The following MLXIP variants were observed in gnomAD, a reference collection of about 807,000 sequenced individuals.
The protein encoded by MLXIP is MLX interacting protein.
In MLXIP, 30 loss-of-function variants were observed where a neutral mutation model predicts 87.2. The observed-to-expected ratio is 0.34, with a 90% confidence interval of 0.26 to 0.47. The LOEUF is 0.47. Ranked by LOEUF, MLXIP falls within the 20% of genes least tolerant of loss-of-function variation. The pLI is 1.00. For synonymous variants in MLXIP, 530 were observed against 514.0 expected, an observed-to-expected ratio of 1.03 and a Z score of -0.42; for missense variants, 1,002 against 1,240.1, an observed-to-expected ratio of 0.81 and a Z score of 2.88.
intron 7 of MLXIP, 97 bp downstream of exon 7, chr12:122,131,030 G>A (rs747836377): frequency 1.4e-5 from 11 of 812,870 alleles, no homozygotes; most frequent in Non-Finnish European, 2.3e-5. Context: ...AGACTTGGTA[G>A]AATGGGCAAG....
At chr12:122,141,537 G>A (rs561225319) in intron 16 of MLXIP, 154 bp from the exon 17 acceptor site, 81 of 815,178 alleles carry the variant, frequency 9.9e-5, no homozygotes, top group South Asian at 1.1e-4. Flanking sequence ...CCCAGGTCTC[G>A]GTGTCGGCCC....
intron 1 of MLXIP, among the ~76,000 whole-genome samples, chr12:122,111,097 CTA>C (rs1317646004): frequency 7.1e-6 from 1 of 140,092 alleles, no homozygotes; most frequent in Non-Finnish European, 1.5e-5. Flanking sequence ...AAAAAAAAGT[CTA>C]TTTATAGGTC....
chr12:122,105,098 C>G lies in MLXIP; in HGVS notation c.414-22158C>G, dbSNP rs555895158. 2.6e-5 allele frequency among the ~76,000 whole-genome samples: 4 copies of G among 152,268 alleles called. No individual in the cohort carries two copies. The East Asian group carries it at 7.7e-4, about 29-fold the overall frequency. Reference sequence around the variant, plus strand: ...GGTGAAACATTTTTGGTGGGTGCCTCATGGGCGATCACATCAAAGGTCCAT... The same window carrying G: ...GGTGAAACATTTTTGGTGGGTGCCTGATGGGCGATCACATCAAAGGTCCAT... On this transcript the variant is annotated intron_variant, in intron 1 of 16. Transcript: ENST00000319080.
rs377113444 is a variant in MLXIP at position 122,112,516 on chromosome 12, G to A, written c.414-14740G>A. Reference sequence around the variant, plus strand: ...AAAAATAGCCGGACGTGGTGGTGGCGGGCGCCTGTAGTCCCAGCTACTCAG... The same window carrying A: ...AAAAATAGCCGGACGTGGTGGTGGCAGGCGCCTGTAGTCCCAGCTACTCAG... On this transcript the variant is annotated intron_variant, in intron 1 of 16. Transcript: ENST00000319080. Among the ~76,000 whole-genome samples the A allele has an allele frequency of 1.3e-4, 20 of 152,094 alleles. No individual in the cohort carries two copies. The East Asian group carries it at 3.3e-3, about 25-fold the overall frequency.
intron 1 of MLXIP, among the ~76,000 whole-genome samples, chr12:122,110,218 C>T (rs922853100): frequency 6.6e-6 from 1 of 152,048 alleles, no homozygotes; most frequent in East Asian, 1.9e-4. Flanking sequence ...ATTAGGAGGC[C>T]GAGGCAGGAG....
chr12:122,085,301 C>T (rs1331513133), intron 1 of MLXIP, among the ~76,000 whole-genome samples: 5 of 152,244 alleles, frequency 3.3e-5, no homozygotes, highest in East Asian at 1.9e-4. Flanking sequence ...TTGACTTCCG[C>T]GCTAAGCCTA....
In MLXIP at chr12:122,140,956, C is replaced by T; in HGVS notation, c.2511C>T (p.Phe837=). The change falls in exon 16 of 17, where the codon TTC becomes TTT. Residue 837 remains phenylalanine (F), a splice_region_variant and synonymous_variant. Transcript: ENST00000319080. The part of the protein sequence containing the change: ...RTLQNWKFWI[F]SIIIKPLFES... ...TTTTCTTTAACCACACACTGCAGTT[C>T]AGCATCATCATCAAGCCGCTGTTTG... The T allele has an allele frequency of 6.2e-7, 1 of 1,614,028 alleles. No homozygotes were observed. The highest frequency in any genetic ancestry group is 8.5e-7 in the Non-Finnish European group (1 of 1,179,898).
rs1362842270 is a variant in MLXIP at position 122,094,412 on chromosome 12, T to G, written c.413+15146T>G. Among the ~76,000 whole-genome samples, 11 of 138,930 alleles carry G rather than the reference T, an allele frequency of 7.9e-5. No homozygotes were observed. The South Asian group carries it at 9.5e-4, about 12-fold the overall frequency. The allele number at this position is 138,930 out of a possible 152,430, so 91.1% of individuals were successfully genotyped here. On this transcript the variant is annotated intron_variant, in intron 1 of 16. Transcript: ENST00000319080. ...TGGTGTTGGTGTGTGGTGTGTGTGG[T>G]GTGTGTGGGGTGTGGGTGTGTGTAT...
At chr12:122,123,120 A>T (rs1952811024) in intron 1 of MLXIP, among the ~76,000 whole-genome samples, 1 of 152,168 alleles carries the variant, frequency 6.6e-6, no homozygotes, top group African/African-American at 2.4e-5. Flanking sequence ...CAGCTCTGCC[A>T]GGCCCATCAG....
chr12:122,103,846 T>G (rs993242221), intron 1 of MLXIP, among the ~76,000 whole-genome samples: 3 of 151,586 alleles, frequency 2.0e-5, no homozygotes, highest in East Asian at 3.9e-4. Flanking sequence ...GTTTGTTTTT[T>G]TTTTTTTTTG....
chr12:122,141,012 G>A lies in MLXIP; in HGVS notation c.2567G>A (p.Ser856Asn), dbSNP rs575144329. Residue 856 changes from serine (S) to asparagine (N), a missense_variant, in exon 16 of 17, where the codon AGC (serine) becomes AAC (asparagine). By Grantham distance (46) the Ser-to-Asn change is conservative. Around this residue, in one of 3 missense-constraint regions of MLXIP, gnomAD observed 746 missense variants for 897.0 expected, o/e 0.83. Transcript: ENST00000319080. ...TTCAAGGGCATGGTGTCCACCAGCA[G>A]CCTGGAGGAGCTGCACCGGACGGCG... ...ESFKGMVSTS[S>N]LEELHRTALS... 237 of 1,613,994 alleles carry A rather than the reference G, an allele frequency of 1.5e-4. 3 individuals are homozygous for A. In the South Asian group the frequency reaches 2.5e-3, roughly 17 times the overall value.
At position 122,135,367 on chromosome 12, in the gene MLXIP, C is replaced by T. The variant is rs745396660; in HGVS notation, c.1854+22C>T. 6.2e-7 allele frequency: 1 copy of T among 1,606,254 alleles called. No homozygotes were observed. The highest frequency in any genetic ancestry group is 8.5e-7 in the Non-Finnish European group (1 of 1,175,586). ...CAGGGTGAGGAGGGCCCTAGGCAGA[C>T]CTGCAGTGTCCTTCTCACCCCGGAG... On this transcript the variant is annotated intron_variant, in intron 10 of 16. Transcript: ENST00000319080. This position sits in a 1 kb window ranked among gnomAD's most constrained non-coding sequence, Gnocchi z 5.3.
chr12:122,094,078 G>T (rs1003423157), intron 1 of MLXIP, among the ~76,000 whole-genome samples: 3 of 147,436 alleles, frequency 2.0e-5, no homozygotes, highest in African/African-American at 7.5e-5. Context: ...GTCTGGTGTG[G>T]TGTGTTGGTG....
intron 1 of MLXIP, among the ~76,000 whole-genome samples, chr12:122,083,028 C>T (rs1420617764): frequency 2.0e-5 from 3 of 152,154 alleles, no homozygotes; most frequent in South Asian, 2.1e-4. Flanking sequence ...CTATGCTTCT[C>T]AGGATGGTCT....
intron 1 of MLXIP, among the ~76,000 whole-genome samples, chr12:122,123,922 C>T (rs1046002561): frequency 1.3e-5 from 2 of 152,182 alleles, no homozygotes; most frequent in African/African-American, 4.8e-5. Flanking sequence ...ACTGGGGCCA[C>T]CACAGGCCAG....
chr12:122,125,473 C>G (rs926885311), intron 1 of MLXIP, among the ~76,000 whole-genome samples: 1 of 152,150 alleles, frequency 6.6e-6, no homozygotes, highest in Non-Finnish European at 1.5e-5. Flanking sequence ...TTACTGTACC[C>G]AAATGTGCTT....
intron 1 of MLXIP, among the ~76,000 whole-genome samples, chr12:122,094,345 T>G (rs1952309678): frequency 7.4e-6 from 1 of 135,084 alleles, no homozygotes; most frequent in East Asian, 2.3e-4. Context: ...TGTGTATGGG[T>G]GTGTGTATGT....
In MLXIP at chr12:122,137,555, G is replaced by A; in HGVS notation, c.2119G>A (p.Gly707Arg). 6.2e-7 allele frequency: 1 copy of A among 1,614,028 alleles called. No homozygotes were observed. The highest frequency in any genetic ancestry group is 1.1e-5 in the South Asian group (1 of 91,084). The change falls in exon 12 of 17, where the codon GGG becomes AGG. Residue 707 changes from glycine to arginine, a missense_variant. This residue lies in a region of MLXIP where 746 missense variants were observed against 897.0 expected (regional missense o/e 0.83). Transcript: ENST00000319080. This position sits in a 1 kb window ranked among gnomAD's most constrained non-coding sequence, Gnocchi z 4.1. ...TCAATCTCCCCAGAACAACTGCTCA[G>A]GGAAATCCGACCCCAAAAATGTGGC... ...SPQSPQNNCS[G>R]KSDPKNVAAL...
At chr12:122,093,716 G>A (rs1273003290) in intron 1 of MLXIP, among the ~76,000 whole-genome samples, 1 of 138,446 alleles carries the variant, frequency 7.2e-6, no homozygotes, top group African/African-American at 2.7e-5. Context: ...TTGGTGTGGG[G>A]GGTGTGTTTG....
Sources: allele counts gnomAD v4.1 joint callset (sites outside exome capture counted in the v4.1 genomes callset), GRCh38; gene constraint gnomAD v4.1.1; regional missense constraint gnomAD v4.1.1; non-coding constraint Gnocchi (gnomAD v3.1); transcripts MANE v1.5; gene names NCBI Gene and HGNC (gene_info 2026-07-23, HGNC 2026-07-21).